Variants in FBXO8 observed in about 807,000 individuals in gnomAD.
The protein encoded by FBXO8 is F-box only protein 8.
A neutral mutation model predicts 33.4 loss-of-function variants in FBXO8; 15 were observed. The ratio of observed to expected loss-of-function variants is 0.45; its 90% CI spans 0.30 to 0.69. The LOEUF (loss-of-function observed/expected upper bound fraction) is 0.69, where lower values mean the gene tolerates loss of function less well. Among genes scored for constraint, FBXO8 ranks in the 30% least tolerant of loss-of-function variants. FBXO8 has a pLI of 0.08. For synonymous variants in FBXO8, 132 were observed against 131.5 expected (o/e 1.00, Z -0.02); for missense variants, 274 against 380.3 (o/e 0.72, Z 2.32).
chr4:174,271,880 T>C (rs1224943876), intron 1 of FBXO8, among the ~76,000 whole-genome samples: 2 of 152,184 alleles, frequency 1.3e-5, no homozygotes, highest in African/African-American at 2.4e-5. Context: ...TAAAATCTTA[T>C]ATATATTATG....
Position 174,241,313 on chromosome 4 carries a change from T to C in FBXO8, c.457-95A>G, listed in dbSNP as rs1560864932. On this transcript the variant is annotated intron_variant, in intron 3 of 5. Coordinates refer to ENST00000393674, the MANE Select transcript of FBXO8 (RefSeq NM_012180.3). This position sits in a 1 kb window ranked among gnomAD's most constrained non-coding sequence, Gnocchi z 4.2. ...AGCACAACAGTAGCTATAAATTCTT[T>C]CCAGCATTAATAGACTTTTTGTAGC... 1.5e-6 allele frequency: 1 copy of C among 649,850 alleles called. No homozygotes were observed. The highest frequency in any genetic ancestry group is 2.6e-6 in the Non-Finnish European group (1 of 380,494). The allele number at this position is 649,850 out of a possible 1,614,324, so 40.3% of individuals were successfully genotyped here.
chr4:174,244,952 T>G (rs1490790837), intron 3 of FBXO8, among the ~76,000 whole-genome samples: 1 of 151,816 alleles, frequency 6.6e-6, no homozygotes, highest in Non-Finnish European at 1.5e-5. Context: ...CCTATAAGAC[T>G]AGCTTGTAAA....
rs1736718203 is a variant in FBXO8 at position 174,267,382 on chromosome 4, C to A, written c.-8-4282G>T. Among the ~76,000 whole-genome samples, 2 of 151,806 alleles carry A rather than the reference C, an allele frequency of 1.3e-5. No homozygotes were observed. Among genetic ancestry groups the A allele is most frequent in the South Asian group, 2.1e-4 (1 of 4,810 alleles). ...CTGGGCAACATAGACCCCGTTTCAACAAAATACAAAAAAAGTTAGCTAGGT... is the reference window on the plus strand; with the variant it reads ...CTGGGCAACATAGACCCCGTTTCAAAAAAATACAAAAAAAGTTAGCTAGGT... On this transcript the variant is annotated intron_variant, in intron 1 of 5. Coordinates refer to ENST00000393674, the MANE Select transcript of FBXO8 (RefSeq NM_012180.3). This position sits in a 1 kb window ranked among gnomAD's most constrained non-coding sequence, Gnocchi z 4.7.
Position 174,267,558 on chromosome 4 carries a change from A to G in FBXO8, c.-8-4458T>C, listed in dbSNP as rs1206872493. Among the ~76,000 whole-genome samples, 1 of 152,164 alleles carries G rather than the reference A, an allele frequency of 6.6e-6. No individual in the cohort carries two copies. The highest frequency in any genetic ancestry group is 1.5e-5 in the Non-Finnish European group (1 of 68,034). On this transcript the variant is annotated intron_variant, in intron 1 of 5. Transcript: ENST00000393674. This position sits in a 1 kb window ranked among gnomAD's most constrained non-coding sequence, Gnocchi z 4.7. The stretch of plus-strand genomic sequence containing the variant: ...TGAGACCTTGCCTCTAAAAAAAATT[A>G]AAATTAAAAATTAAAAGAAAATAAA...
rs907303114 is a variant in FBXO8 at position 174,256,111 on chromosome 4, G to A, written c.456+3588C>T. The A allele has an allele frequency of 2.0e-5, 9 of 456,120 alleles. No homozygotes were observed. The Admixed American group carries it at 2.1e-4, about 11-fold the overall frequency. The allele number at this position is 456,120 out of a possible 1,614,324, so 28.3% of individuals were successfully genotyped here. A position where few individuals can be genotyped will look rare whatever the true frequency, so the allele number is the denominator to read the frequency against. ...GCTTGGTTACCCATATCCGTGACAT[G>A]AACGGTGTCCTTTGGAGAATCTTGT... On this transcript the variant is annotated intron_variant, in intron 3 of 5. Transcript: ENST00000393674. This position sits in a 1 kb window ranked among gnomAD's most constrained non-coding sequence, Gnocchi z 4.6.
At position 174,257,260 on chromosome 4, in the gene FBXO8, A is replaced by AT. The variant is rs1736438006; in HGVS notation, c.456+2438dup. ...TTTTAGCATATGAGGACCCATGTGT[A>AT]TTTTCATCTTTGTGTAAAAATGATT... On this transcript the variant is annotated intron_variant, in intron 3 of 5. Transcript: ENST00000393674. This position sits in a 1 kb window ranked among gnomAD's most constrained non-coding sequence, Gnocchi z 4.3. Among the ~76,000 whole-genome samples, 1 of 152,082 alleles carries AT rather than the reference A, an allele frequency of 6.6e-6. No individual in the cohort carries two copies. The highest frequency in any genetic ancestry group is 1.5e-5 in the Non-Finnish European group (1 of 67,982).
intron 1 of FBXO8, among the ~76,000 whole-genome samples, chr4:174,279,646 A>C (rs1294331366): frequency 6.6e-6 from 1 of 152,170 alleles, no homozygotes; most frequent in Non-Finnish European, 1.5e-5. Flanking sequence ...TGGCATAAAA[A>C]GAGACATACA....
Position 174,274,491 on chromosome 4 carries a change from TC to T in FBXO8, c.-9+8918del, listed in dbSNP as rs2126448460. ...ATTACCTGAGTAGTCATAATCCTGG[TC>T]CTGAATTTCATTAATTTGGGATCTG... is the stretch of plus-strand genomic sequence containing the variant. On this transcript the variant is annotated intron_variant, in intron 1 of 5. Transcript: ENST00000393674. This position sits in a 1 kb window ranked among gnomAD's most constrained non-coding sequence, Gnocchi z 4.0. Among the ~76,000 whole-genome samples, 1 of 152,346 alleles carries T rather than the reference TC, an allele frequency of 6.6e-6. No homozygotes were observed. The highest frequency in any genetic ancestry group is 2.1e-4 in the South Asian group (1 of 4,830).
At chr4:174,250,402 C>T (rs776949295) in intron 3 of FBXO8, among the ~76,000 whole-genome samples, 10 of 151,922 alleles carry the variant, frequency 6.6e-5, no homozygotes, top group Admixed American at 2.0e-4. Flanking sequence ...CAAATATTAG[C>T]GGCAGATAAA....
Position 174,267,057 on chromosome 4 carries a change from T to A in FBXO8, c.-8-3957A>T, listed in dbSNP as rs1736711483. 6.6e-6 allele frequency among the ~76,000 whole-genome samples: 1 copy of A among 152,214 alleles called. No homozygotes were observed. Among genetic ancestry groups the A allele is most frequent in the South Asian group, 2.1e-4 (1 of 4,838 alleles). On this transcript the variant is annotated intron_variant, in intron 1 of 5. Transcript: ENST00000393674. The surrounding 1 kb of genome is among the most constrained non-coding windows in gnomAD (Gnocchi z 4.7). ...ATTCACCTCCTTTAGTTATTTCATA[T>A]TGTGACCATGTTTTTATGTTGTTTC... is the stretch of plus-strand genomic sequence containing the variant.
chr4:174,264,860 G>C (rs1048175057), intron 1 of FBXO8, among the ~76,000 whole-genome samples: 1 of 149,982 alleles, frequency 6.7e-6, no homozygotes, highest in Admixed American at 6.6e-5. Flanking sequence ...GAAAATCTTT[G>C]CAAAACACAT....
At chr4:174,242,417 T>C (rs1387783194) in intron 3 of FBXO8, among the ~76,000 whole-genome samples, 1 of 151,600 alleles carries the variant, frequency 6.6e-6, no homozygotes, top group Non-Finnish European at 1.5e-5. Context: ...GTTATAATTA[T>C]CTATAAGTTG....
In FBXO8 at chr4:174,283,294, C is replaced by T. The variant is rs980467702; in HGVS notation, c.-9+116G>A. 3 of 152,686 alleles carry T rather than the reference C, an allele frequency of 2.0e-5. No homozygotes were observed. The highest frequency in any genetic ancestry group is 7.2e-5 in the African/African-American group (3 of 41,462). The allele number at this position is 152,686 out of a possible 1,614,324, so 9.5% of individuals were successfully genotyped here. On this transcript the variant is annotated intron_variant, in intron 1 of 5. Coordinates refer to ENST00000393674, the MANE Select transcript of FBXO8 (RefSeq NM_012180.3). The surrounding 1 kb of genome is among the most constrained non-coding windows in gnomAD (Gnocchi z 6.7). ...CACTGTCATTGGTCGCAAACTCTTG[C>T]TGGTCGGCCAGTTTCGGCCAACTGG...
At position 174,253,704 on chromosome 4, in the gene FBXO8, A is replaced by G. The variant is rs1042662279; in HGVS notation, c.456+5995T>C. Among the ~76,000 whole-genome samples, 3 of 152,180 alleles carry G rather than the reference A, an allele frequency of 2.0e-5. No individual in the cohort carries two copies. The highest frequency in any genetic ancestry group is 4.8e-5 in the African/African-American group (2 of 41,446). ...TCTAAGCCAATCATGTAATCTTTCT[A>G]TTCTATTCGCTAGTGCTCTAGGGGT... On this transcript the variant is annotated intron_variant, in intron 3 of 5. Coordinates refer to ENST00000393674, the MANE Select transcript of FBXO8 (RefSeq NM_012180.3). The surrounding 1 kb of genome is among the most constrained non-coding windows in gnomAD (Gnocchi z 4.5).
chr4:174,262,008 C>G lies in FBXO8; in HGVS notation c.329+756G>C, dbSNP rs929572689. On this transcript the variant is annotated intron_variant, in intron 2 of 5. Transcript: ENST00000393674. This position sits in a 1 kb window ranked among gnomAD's most constrained non-coding sequence, Gnocchi z 4.6. ...ATTTTTAGGCCAAAAAATCATGTAC[C>G]TATACTTTTTGTTAAAGTATATGAT... Among the ~76,000 whole-genome samples, 2 of 151,926 alleles carry G rather than the reference C, an allele frequency of 1.3e-5. No homozygotes were observed. Among genetic ancestry groups the G allele is most frequent in the Non-Finnish European group, 2.9e-5 (2 of 67,926 alleles).
In FBXO8 at chr4:174,281,570, C is replaced by A. The variant is rs1202527680; in HGVS notation, c.-9+1840G>T. 1.3e-5 allele frequency among the ~76,000 whole-genome samples: 2 copies of A among 152,030 alleles called. No homozygotes were observed. Among genetic ancestry groups the A allele is most frequent in the Non-Finnish European group, 2.9e-5 (2 of 68,012 alleles). On this transcript the variant is annotated intron_variant, in intron 1 of 5. Transcript: ENST00000393674. This position sits in a 1 kb window ranked among gnomAD's most constrained non-coding sequence, Gnocchi z 4.6. The stretch of plus-strand genomic sequence containing the variant: ...ACACGTGATGGCGTGTGCCTGTGGT[C>A]CCAGGTACTCTGAAGGCTGAGGTGG...
intron 1 of FBXO8, among the ~76,000 whole-genome samples, chr4:174,268,877 T>G (rs887139096): frequency 6.6e-6 from 1 of 152,236 alleles, no homozygotes; most frequent in African/African-American, 2.4e-5. Context: ...GCTGCGAATG[T>G]GCACCTTGAA....
Position 174,267,931 on chromosome 4 carries a change from T to C in FBXO8, c.-8-4831A>G, listed in dbSNP as rs185190834. Among the ~76,000 whole-genome samples, 268 of 152,360 alleles carry C rather than the reference T, an allele frequency of 1.8e-3. No individual in the cohort carries two copies. The highest frequency in any genetic ancestry group is 3.2e-3 in the Non-Finnish European group (215 of 68,034). ...TTTTTGTATTTGAAATCACTAGTTTTGGTGTAAATATGGATTTTGTGATGA... is the reference window on the plus strand; with the variant it reads ...TTTTTGTATTTGAAATCACTAGTTTCGGTGTAAATATGGATTTTGTGATGA... On this transcript the variant is annotated intron_variant, in intron 1 of 5. Coordinates refer to ENST00000393674, the MANE Select transcript of FBXO8 (RefSeq NM_012180.3). The surrounding 1 kb of genome is among the most constrained non-coding windows in gnomAD (Gnocchi z 4.7).
Position 174,241,016 on chromosome 4 carries a change from G to T in FBXO8, c.575+84C>A. ...AATTTTGCAACCAGATGATTACTAT[G>T]CAGTATTAGTTTTAAAGTAAAACTT... On this transcript the variant is annotated intron_variant, in intron 4 of 5. Coordinates refer to ENST00000393674, the MANE Select transcript of FBXO8 (RefSeq NM_012180.3). The surrounding 1 kb of genome is among the most constrained non-coding windows in gnomAD (Gnocchi z 4.2). The T allele has an allele frequency of 2.8e-6, 2 of 705,816 alleles. No homozygotes were observed. The highest frequency in any genetic ancestry group is 5.2e-5 in the Admixed American group (2 of 38,108). 43.7% of individuals were successfully genotyped at this position (705,816 alleles called of 1,614,324 possible). A position where few individuals can be genotyped will look rare whatever the true frequency, so the allele number is the denominator to read the frequency against.
Sources: allele counts gnomAD v4.1 joint callset (sites outside exome capture counted in the v4.1 genomes callset), GRCh38; gene constraint gnomAD v4.1.1; non-coding constraint Gnocchi (gnomAD v3.1); transcripts MANE v1.5; gene names NCBI Gene and HGNC (gene_info 2026-07-23, HGNC 2026-07-21).